Variants in LRMDA observed in about 807,000 individuals in gnomAD.
The protein encoded by LRMDA is leucine-rich melanocyte differentiation-associated protein.
Under a neutral mutation model 29.8 loss-of-function variants are expected in LRMDA, and 18 were observed. The ratio of observed to expected loss-of-function variants is 0.60; its 90% CI spans 0.42 to 0.90. LRMDA has a LOEUF of 0.90. Among genes scored for constraint, LRMDA ranks in the 40% least tolerant of loss-of-function variants. The pLI is 0.00. For missense variants in LRMDA, 273 were observed against 273.9 expected (o/e 1.00, Z 0.02); for synonymous variants, 125 against 109.4 (o/e 1.14, Z -0.89).
intron 2 of LRMDA, among the ~76,000 whole-genome samples, chr10:75,607,588 C>T (rs1365239512): frequency 6.6e-6 from 1 of 152,124 alleles, no homozygotes; most frequent in Non-Finnish European, 1.5e-5. Context: ...TCTTTTCCTC[C>T]ACATTTAATT....
chr10:75,780,193 TA>T (rs1843364067), intron 2 of LRMDA, among the ~76,000 whole-genome samples: 1 of 152,182 alleles, frequency 6.6e-6, no homozygotes, highest in South Asian at 2.1e-4. Context: ...AGTGAAAGAA[TA>T]AATTTCTGTT....
At chr10:76,101,337 CT>C (rs1646698302) in intron 5 of LRMDA, among the ~76,000 whole-genome samples, 1 of 152,182 alleles carries the variant, frequency 6.6e-6, no homozygotes, top group Non-Finnish European at 1.5e-5. Flanking sequence ...GTAAGGCTGG[CT>C]TTTTGTTGTT....
intron 3 of LRMDA, among the ~76,000 whole-genome samples, chr10:76,037,321 A>G (rs750295349): frequency 1.3e-5 from 2 of 152,244 alleles, no homozygotes; most frequent in African/African-American, 2.4e-5. Context: ...CCACTTGTTC[A>G]CATTCATACA....
intron 2 of LRMDA, among the ~76,000 whole-genome samples, chr10:75,841,073 A>C (rs1844532278): frequency 6.6e-6 from 1 of 152,204 alleles, no homozygotes; most frequent in Admixed American, 6.5e-5. Context: ...GTTCATCTTC[A>C]GCAGAATTCA....
intron 2 of LRMDA, among the ~76,000 whole-genome samples, chr10:75,516,346 C>T (rs1043813445): frequency 3.9e-5 from 6 of 152,222 alleles, no homozygotes; most frequent in African/African-American, 1.4e-4. Context: ...TCCTATTTCT[C>T]CACATCCTCT....
intron 2 of LRMDA, among the ~76,000 whole-genome samples, chr10:75,804,976 A>G (rs369667772): frequency 9.8e-5 from 15 of 152,290 alleles, no homozygotes; most frequent in African/African-American, 3.6e-4. Flanking sequence ...AAGACTGGGC[A>G]TGTAGTAAGC....
At chr10:75,872,627 C>T (rs951667844) in intron 2 of LRMDA, among the ~76,000 whole-genome samples, 2 of 152,086 alleles carry the variant, frequency 1.3e-5, no homozygotes, top group African/African-American at 4.8e-5. Flanking sequence ...CTCTGTTCTC[C>T]AAACATGTTA....
intron 5 of LRMDA, among the ~76,000 whole-genome samples, chr10:76,089,863 C>T (rs900661100): frequency 6.6e-6 from 1 of 152,100 alleles, no homozygotes; most frequent in African/African-American, 2.4e-5. Context: ...GTATTTTAAA[C>T]CACAAACAGA....
chr10:75,845,040 G>A (rs79272062), intron 2 of LRMDA, among the ~76,000 whole-genome samples: 2,022 of 152,228 alleles, frequency 0.013, 50 homozygotes, highest in African/African-American at 0.047. Flanking sequence ...TATCATTCAT[G>A]TTAGGTGAAG....
intron 2 of LRMDA, among the ~76,000 whole-genome samples, chr10:75,471,158 G>C (rs536966755): frequency 6.6e-6 from 1 of 152,168 alleles, no homozygotes; most frequent in South Asian, 2.1e-4. Flanking sequence ...ACCATATGTA[G>C]TGGTAGTAAT....
intron 5 of LRMDA, among the ~76,000 whole-genome samples, chr10:76,064,558 T>C (rs1848753896): frequency 6.6e-6 from 1 of 152,242 alleles, no homozygotes; most frequent in African/African-American, 2.4e-5. Context: ...CTTAATTGTT[T>C]TTTATGCCTA....
chr10:76,160,950 A>T (rs1850635776), intron 5 of LRMDA, among the ~76,000 whole-genome samples: 1 of 152,110 alleles, frequency 6.6e-6, no homozygotes, highest in African/African-American at 2.4e-5. Context: ...CGTGATTGAG[A>T]GTGTGGGGGC....
At chr10:75,568,184 TA>T (rs1279657319) in intron 2 of LRMDA, among the ~76,000 whole-genome samples, 1 of 152,208 alleles carries the variant, frequency 6.6e-6, no homozygotes, top group Non-Finnish European at 1.5e-5. Context: ...TTCACCCAGT[TA>T]TAGCCTCCTT....
At chr10:75,796,178 T>TC (rs398114525) in intron 2 of LRMDA, among the ~76,000 whole-genome samples, 2 of 152,210 alleles carry the variant, frequency 1.3e-5, no homozygotes, top group East Asian at 1.9e-4. Context: ...TGTATTTTTT[T>TC]CTTGTTCTTG....
intron 5 of LRMDA, among the ~76,000 whole-genome samples, chr10:76,203,770 C>T (rs928237203): frequency 6.6e-6 from 1 of 150,742 alleles, no homozygotes; most frequent in African/African-American, 2.4e-5. Context: ...TGCCCATCTA[C>T]CCATCTCTAT....
At chr10:76,169,431 C>T (rs1157102063) in intron 5 of LRMDA, among the ~76,000 whole-genome samples, 2 of 152,154 alleles carry the variant, frequency 1.3e-5, no homozygotes, top group Non-Finnish European at 2.9e-5. Flanking sequence ...CGTGTTGGAT[C>T]TTCTCTATCC....
chr10:75,716,419 T>C (rs1458322669), intron 2 of LRMDA, among the ~76,000 whole-genome samples: 2 of 152,228 alleles, frequency 1.3e-5, no homozygotes, highest in Non-Finnish European at 2.9e-5. Context: ...GGGTATTCTG[T>C]TACTTGCAAT....
At chr10:75,949,361 C>G (rs1419168913) in intron 2 of LRMDA, among the ~76,000 whole-genome samples, 1 of 152,190 alleles carries the variant, frequency 6.6e-6, no homozygotes, top group Non-Finnish European at 1.5e-5. Flanking sequence ...TTCAACAATG[C>G]CTTGTAATGT....
intron 5 of LRMDA, among the ~76,000 whole-genome samples, chr10:76,293,591 C>T (rs996280727): frequency 6.6e-6 from 1 of 152,158 alleles, no homozygotes; most frequent in African/African-American, 2.4e-5. Context: ...TTCCCATAAA[C>T]ATGTGGTTTG....
Sources: allele counts gnomAD v4.1 joint callset (sites outside exome capture counted in the v4.1 genomes callset), GRCh38; gene constraint gnomAD v4.1.1; transcripts MANE v1.5; gene names NCBI Gene and HGNC (gene_info 2026-07-23, HGNC 2026-07-21).